Variants in LRRC4C observed in about 807,000 individuals in gnomAD.
The protein encoded by LRRC4C is leucine-rich repeat-containing protein 4C.
LRRC4C carries 5 observed loss-of-function variants against 33.6 expected under a neutral mutation model. The observed-to-expected ratio is 0.15, with a 90% CI of 0.08 to 0.31. The LOEUF (loss-of-function observed/expected upper bound fraction) is 0.31, where lower values mean the gene tolerates loss of function less well. Ranked by LOEUF, LRRC4C falls within the 10% of genes least tolerant of loss-of-function variation. The pLI, the probability that LRRC4C is intolerant of heterozygous loss-of-function variation, is 1.00. For missense variants in LRRC4C, 560 were observed against 796.7 expected, an observed-to-expected ratio of 0.70 and a Z score of 3.58; for synonymous variants, 329 against 302.0, an observed-to-expected ratio of 1.09 and a Z score of -0.93.
At chr11:41,155,205 C>T (rs1944173459) in intron 1 of LRRC4C, among the ~76,000 whole-genome samples, 1 of 152,058 alleles carries the variant, frequency 6.6e-6, no homozygotes, top group Admixed American at 6.6e-5. Context: ...TTGCTTAATT[C>T]CAACATCCTT....
At chr11:41,069,137 TC>T (rs1245833147) in intron 1 of LRRC4C, among the ~76,000 whole-genome samples, 3 of 152,156 alleles carry the variant, frequency 2.0e-5, no homozygotes, top group Middle Eastern at 3.2e-3. Flanking sequence ...ATAAATGTAA[TC>T]CACCACATAA....
chr11:41,082,457 G>A (rs4088586), intron 1 of LRRC4C, among the ~76,000 whole-genome samples: 137,058 of 144,608 alleles, frequency 0.95, 65,443 homozygotes, highest in East Asian at 1. Flanking sequence ...TTCTGGAGCT[G>A]GTGAAATCTT....
chr11:40,743,229 G>A (rs1948248571), intron 2 of LRRC4C, among the ~76,000 whole-genome samples: 1 of 152,066 alleles, frequency 6.6e-6, no homozygotes, highest in Non-Finnish European at 1.5e-5. Context: ...TTTAATGAAT[G>A]CAAAGGACCA....
intron 5 of LRRC4C, among the ~76,000 whole-genome samples, chr11:40,201,026 A>G (rs1176000808): frequency 1.3e-5 from 2 of 152,046 alleles, no homozygotes; most frequent in Non-Finnish European, 2.9e-5. Flanking sequence ...AGCGGAATGT[A>G]GTGTGTGTGT....
At chr11:40,416,344 G>T (rs1254676335) in intron 3 of LRRC4C, among the ~76,000 whole-genome samples, 1 of 152,144 alleles carries the variant, frequency 6.6e-6, no homozygotes, top group Non-Finnish European at 1.5e-5. Context: ...AGTAGAGGCA[G>T]ATGAGAAAGC....
At chr11:40,871,271 T>C (rs1211649934) in intron 2 of LRRC4C, among the ~76,000 whole-genome samples, 6 of 152,094 alleles carry the variant, frequency 3.9e-5, no homozygotes, top group Non-Finnish European at 1.5e-5. Context: ...CTTATTACCT[T>C]GTGAAGCCTG....
chr11:40,654,776 C>T (rs1943009972), intron 2 of LRRC4C, among the ~76,000 whole-genome samples: 1 of 152,130 alleles, frequency 6.6e-6, no homozygotes, highest in African/African-American at 2.4e-5. Context: ...TTGTTTGGCT[C>T]TGTGTTCCCA....
intron 5 of LRRC4C, among the ~76,000 whole-genome samples, chr11:40,177,129 T>A (rs1363211129): frequency 6.6e-6 from 1 of 151,862 alleles, no homozygotes; most frequent in African/African-American, 2.4e-5. Context: ...AATTTTTTGT[T>A]TCTTTAGAGG....
At chr11:40,432,511 T>C (rs1392889140) in intron 3 of LRRC4C, among the ~76,000 whole-genome samples, 1 of 152,244 alleles carries the variant, frequency 6.6e-6, no homozygotes, top group Non-Finnish European at 1.5e-5. Context: ...GACTGGAGTT[T>C]CTGTCCGAAA....
At chr11:40,857,897 A>G (rs1172228801) in intron 2 of LRRC4C, among the ~76,000 whole-genome samples, 1 of 151,608 alleles carries the variant, frequency 6.6e-6, no homozygotes, top group African/African-American at 2.4e-5. Context: ...CCTGGGTGAC[A>G]GAGTAAGATC....
chr11:41,223,415 G>C (rs1176693751), intron 1 of LRRC4C, among the ~76,000 whole-genome samples: 1 of 152,098 alleles, frequency 6.6e-6, no homozygotes, highest in African/African-American at 2.4e-5. Context: ...AGAAAAGACA[G>C]TCTTAGTGGC....
chr11:41,229,343 C>T (rs1255611082), intron 1 of LRRC4C, among the ~76,000 whole-genome samples: 3 of 152,096 alleles, frequency 2.0e-5, no homozygotes, highest in Non-Finnish European at 4.4e-5. Flanking sequence ...TCTTAGACTT[C>T]TAGTTCCAGA....
intron 1 of LRRC4C, among the ~76,000 whole-genome samples, chr11:41,398,036 C>T (rs951765376): frequency 3.3e-5 from 5 of 151,892 alleles, no homozygotes; most frequent in African/African-American, 7.2e-5. Context: ...AACCATATTA[C>T]GTTTAATGGG....
chr11:41,392,108 C>G (rs1953619916), intron 1 of LRRC4C, among the ~76,000 whole-genome samples: 1 of 151,820 alleles, frequency 6.6e-6, no homozygotes, highest in African/African-American at 2.4e-5. Context: ...GGGGAAAATA[C>G]AAAGGCATAT....
chr11:40,219,773 G>C (rs527682826), intron 5 of LRRC4C, among the ~76,000 whole-genome samples: 1 of 152,198 alleles, frequency 6.6e-6, no homozygotes, highest in East Asian at 1.9e-4. Flanking sequence ...AGGATACAAA[G>C]TTGCAAATAT....
intron 1 of LRRC4C, among the ~76,000 whole-genome samples, chr11:41,082,401 A>G (rs1309595662): frequency 6.6e-6 from 1 of 150,426 alleles, no homozygotes; most frequent in African/African-American, 2.4e-5. Flanking sequence ...GTGACTGGCA[A>G]TCTACCACCC....
chr11:41,084,507 A>G (rs560522053), intron 1 of LRRC4C, among the ~76,000 whole-genome samples: 1 of 152,298 alleles, frequency 6.6e-6, no homozygotes. Flanking sequence ...TTCCTTTGAA[A>G]TGTTACACAA....
intron 2 of LRRC4C, among the ~76,000 whole-genome samples, chr11:40,706,447 C>T (rs1274913183): frequency 1.3e-5 from 2 of 152,174 alleles, no homozygotes; most frequent in Non-Finnish European, 2.9e-5. Context: ...GTTTTCCCAG[C>T]ATGATTTATT....
intron 2 of LRRC4C, among the ~76,000 whole-genome samples, chr11:40,814,146 C>T (rs554551375): frequency 6.6e-6 from 1 of 152,228 alleles, no homozygotes; most frequent in East Asian, 1.9e-4. Context: ...CCTGACCTAT[C>T]AGAGGTTCTC....
Sources: allele counts gnomAD v4.1 joint callset (sites outside exome capture counted in the v4.1 genomes callset), GRCh38; gene constraint gnomAD v4.1.1; transcripts MANE v1.5; gene names NCBI Gene and HGNC (gene_info 2026-07-23, HGNC 2026-07-21).